Variants in PALM2AKAP2 observed in about 807,000 individuals in gnomAD.
PALM2AKAP2 encodes PALM2-AKAP2 fusion protein.
In PALM2AKAP2, 37 loss-of-function variants were observed where a neutral mutation model predicts 71.5. That is an observed-to-expected ratio of 0.52 (90% confidence interval 0.40 to 0.68). The LOEUF is 0.68. Ranked by LOEUF, PALM2AKAP2 falls within the 30% of genes least tolerant of loss-of-function variation. The pLI is 0.00. For synonymous variants in PALM2AKAP2, 468 were observed against 478.8 expected, an observed-to-expected ratio of 0.98 and a Z score of 0.29; for missense variants, 1,224 against 1,191.8, an observed-to-expected ratio of 1.03 and a Z score of -0.40.
chr9:109,941,247 G>A (rs555281852), intron 6 of PALM2AKAP2, among the ~76,000 whole-genome samples: 60 of 149,140 alleles, frequency 4.0e-4, no homozygotes, highest in African/African-American at 1.2e-3. Context: ...GCTGTCTTTG[G>A]CCCTCTGGCC....
At chr9:109,774,906 C>T (rs1829327389) in intron 1 of PALM2AKAP2, among the ~76,000 whole-genome samples, 1 of 152,178 alleles carries the variant, frequency 6.6e-6, no homozygotes, top group Non-Finnish European at 1.5e-5. Flanking sequence ...GTCATATCTA[C>T]CTCCTACTTC....
At chr9:109,701,519 G>T (rs1377747502) in intron 1 of PALM2AKAP2, among the ~76,000 whole-genome samples, 1 of 152,220 alleles carries the variant, frequency 6.6e-6, no homozygotes, top group African/African-American at 2.4e-5. Context: ...AATAAATGAT[G>T]CTGGGAAAAC....
intron 1 of PALM2AKAP2, among the ~76,000 whole-genome samples, chr9:110,049,152 T>C (rs1227672889): frequency 1.3e-5 from 2 of 152,164 alleles, no homozygotes; most frequent in African/African-American, 2.4e-5. Context: ...AACGCAGGAC[T>C]CCGCTTCTCC....
intron 1 of PALM2AKAP2, among the ~76,000 whole-genome samples, chr9:110,130,115 A>AAT (rs1217579566): frequency 6.6e-6 from 1 of 152,240 alleles, no homozygotes; most frequent in East Asian, 1.9e-4. Context: ...TGCCAGAAAG[A>AAT]ATATAATACC....
chr9:109,739,303 T>C (rs1828683265), intron 1 of PALM2AKAP2, among the ~76,000 whole-genome samples: 1 of 152,190 alleles, frequency 6.6e-6, no homozygotes, highest in South Asian at 2.1e-4. Flanking sequence ...ACCAGTACTC[T>C]AAGGAAGATG....
At chr9:109,748,542 A>C (rs1828837075) in intron 1 of PALM2AKAP2, among the ~76,000 whole-genome samples, 1 of 152,228 alleles carries the variant, frequency 6.6e-6, no homozygotes. Context: ...TGATGCTAAC[A>C]TCATTGTATT....
chr9:110,008,454 A>C (rs1305670860), intron 6 of PALM2AKAP2, among the ~76,000 whole-genome samples: 1 of 151,446 alleles, frequency 6.6e-6, no homozygotes, highest in Non-Finnish European at 1.5e-5. Context: ...AAATTTATTT[A>C]ATAAAAAAGA....
chr9:109,675,479 G>A (rs1418264494), intron 1 of PALM2AKAP2, among the ~76,000 whole-genome samples: 2 of 152,138 alleles, frequency 1.3e-5, no homozygotes, highest in Non-Finnish European at 2.9e-5. Flanking sequence ...AAAGTTCTGA[G>A]TAGGCAAAAG....
chr9:110,156,330 A>G, exon 3 of PALM2AKAP2: 1 of 1,575,450 alleles, frequency 6.3e-7, no homozygotes, highest in East Asian at 2.3e-5. Context: ...GAAAATAGAG[A>G]AAGTCAAACC....
chr9:109,868,370 C>T (rs544425667), intron 2 of PALM2AKAP2, among the ~76,000 whole-genome samples: 35 of 152,286 alleles, frequency 2.3e-4, no homozygotes, highest in Middle Eastern at 3.4e-3. Context: ...AATGGCCAGC[C>T]GGGAGTTGTT....
chr9:109,808,956 G>A (rs1335464660), intron 1 of PALM2AKAP2, among the ~76,000 whole-genome samples: 1 of 152,260 alleles, frequency 6.6e-6, no homozygotes. Context: ...GAGCCTGCAG[G>A]TGCACAGAAG....
chr9:110,160,084 C>T lies in PALM2AKAP2; in HGVS notation c.2748+3587C>T, dbSNP rs573752268. Among the ~76,000 whole-genome samples, 3 of 152,322 alleles carry T rather than the reference C, an allele frequency of 2.0e-5. No individual in the cohort carries two copies. The South Asian group carries it at 6.2e-4, about 32-fold the overall frequency. On this transcript the variant is annotated intron_variant, in intron 3 of 3. Coordinates refer to ENST00000374525, the Ensembl canonical transcript of PALM2AKAP2. ...GGATTACCATCCCCACCCCTACCCA[C>T]TTACCCAAGGCTGTTTACCAACCTA...
chr9:109,957,383 T>A (rs945251713), intron 6 of PALM2AKAP2, among the ~76,000 whole-genome samples: 8 of 152,356 alleles, frequency 5.3e-5, no homozygotes, highest in African/African-American at 1.9e-4. Flanking sequence ...TTCTGCCTCC[T>A]GGGCGTTAGC....
chr9:109,888,664 C>T (rs574333046), intron 3 of PALM2AKAP2, among the ~76,000 whole-genome samples: 28 of 145,502 alleles, frequency 1.9e-4, no homozygotes, highest in Non-Finnish European at 3.0e-4. Flanking sequence ...GAGCCGAGAT[C>T]GCACCATTGC....
chr9:109,870,125 G>A (rs1422768927), intron 2 of PALM2AKAP2, among the ~76,000 whole-genome samples: 1 of 152,152 alleles, frequency 6.6e-6, no homozygotes, highest in Non-Finnish European at 1.5e-5. Context: ...AAGGTGAGGA[G>A]GGTCCTCAGG....
chr9:109,894,506 C>A (rs906685480), intron 3 of PALM2AKAP2, among the ~76,000 whole-genome samples: 1 of 152,146 alleles, frequency 6.6e-6, no homozygotes, highest in Admixed American at 6.5e-5. Flanking sequence ...CAGTCTGTGA[C>A]AAAGACAGAA....
intron 2 of PALM2AKAP2, among the ~76,000 whole-genome samples, chr9:110,142,295 G>A (rs934012822): frequency 4.6e-5 from 7 of 151,864 alleles, no homozygotes; most frequent in Non-Finnish European, 8.8e-5. Context: ...CATCATGTTG[G>A]CCAGGCTGGT....
At chr9:109,790,130 A>G (rs1234495315) in intron 1 of PALM2AKAP2, among the ~76,000 whole-genome samples, 1 of 152,242 alleles carries the variant, frequency 6.6e-6, no homozygotes, top group East Asian at 1.9e-4. Context: ...CCCCAGCTGT[A>G]GATGAAAAAG....
chr9:109,728,141 A>G (rs557722524), intron 1 of PALM2AKAP2, among the ~76,000 whole-genome samples: 1 of 152,370 alleles, frequency 6.6e-6, no homozygotes, highest in African/African-American at 2.4e-5. Context: ...AGTCTTGCAG[A>G]TTGGATAGCT....
Sources: gnomAD v4.1 joint callset for allele counts (sites outside exome capture counted in the v4.1 genomes callset) on GRCh38, gnomAD v4.1.1 for gene constraint, MANE v1.5 for transcripts, NCBI Gene and HGNC (gene_info 2026-07-23, HGNC 2026-07-21) for gene names.